SPTA1: variants seen among roughly 807,000 people sequenced by gnomAD.
The protein encoded by SPTA1 is spectrin alpha, erythrocytic 1.
Under a neutral mutation model 324.7 loss-of-function variants are expected in SPTA1, and 177 were observed. The observed-to-expected ratio is 0.55, with a 90% CI of 0.48 to 0.62. The LOEUF is 0.62. Among genes scored for constraint, SPTA1 ranks in the 20% least tolerant of loss-of-function variants. The pLI is 0.00. For synonymous variants in SPTA1, 1,195 were observed against 1,041.3 expected (o/e 1.15, Z -2.84); for missense variants, 3,162 against 2,883.6 (o/e 1.10, Z -2.21).
At chr1:158,656,456 T>C in intron 20 of SPTA1, 108 bp downstream of exon 20, 1 of 993,252 alleles carries the variant, frequency 1.0e-6, no homozygotes, top group South Asian at 1.3e-5. Context: ...TAGTGTTTTC[T>C]TTGCCATTGT....
intron 43 of SPTA1, 147 bp from the exon 44 acceptor site, chr1:158,620,613 G>A (rs1649846766): frequency 8.8e-6 from 8 of 908,728 alleles, no homozygotes; most frequent in African/African-American, 3.4e-5. Context: ...TAGGGACTGT[G>A]TACTTTGATG....
At chr1:158,619,091 G>A (rs1649749441) in intron 45 of SPTA1, 131 bp downstream of exon 45, 1 of 892,758 alleles carries the variant, frequency 1.1e-6, no homozygotes, top group Non-Finnish European at 1.9e-6. Context: ...TAAAGCATAG[G>A]CAAGATATGG....
rs756805958 is a variant in SPTA1 at position 158,647,531 on chromosome 1, C to A, written c.3896+8G>T. ...GGCCAGACACGGAAGTTACCCACCC[C>A]ACTCTACCTGGCCTTGCTGAGGAAC... On this transcript the variant is annotated splice_region_variant and intron_variant, in intron 27 of 51. Coordinates refer to ENST00000643759, the MANE Select transcript of SPTA1 (RefSeq NM_003126.4). 3 of 1,612,704 alleles carry A rather than the reference C, an allele frequency of 1.9e-6. No homozygotes were observed. Among genetic ancestry groups the A allele is most frequent in the African/African-American group, 1.3e-5 (1 of 74,868 alleles).
chr1:158,674,472 C>T (rs1443041321), intron 9 of SPTA1, 42 bp from the exon 10 acceptor site: 1 of 1,614,016 alleles, frequency 6.2e-7, no homozygotes, highest in Admixed American at 1.7e-5. Context: ...CAGCAAGAAA[C>T]CTGGCATTTC....
chr1:158,678,535 C>G lies in SPTA1; in HGVS notation c.679-1G>C, dbSNP rs539669003. 3.1e-6 allele frequency: 5 copies of G among 1,613,260 alleles called. No homozygotes were observed. On this transcript the variant is annotated splice_acceptor_variant, in intron 5 of 51. Transcript: ENST00000643759. LOFTEE classifies it high-confidence loss of function. ...TTAAGGGTAGGTCAGGATGGTTTTC[C>G]TGTTGAAGGAAAACAACACTGGAGT...
chr1:158,634,348 G>C (rs866088011), intron 39 of SPTA1, among the ~76,000 whole-genome samples, 195 bp downstream of exon 39: 1 of 152,166 alleles, frequency 6.6e-6, no homozygotes, highest in Admixed American at 6.5e-5. Context: ...TGCCTGATTG[G>C]TTCCGTAATC....
At chr1:158,667,803 G>A in intron 15 of SPTA1, 55 bp downstream of exon 15, 1 of 1,566,130 alleles carries the variant, frequency 6.4e-7, no homozygotes, top group Non-Finnish European at 8.7e-7. Flanking sequence ...AAAGATAAAG[G>A]TAGTAGATTT....
chr1:158,683,854 AAT>A (rs1423952459), intron 2 of SPTA1, among the ~76,000 whole-genome samples: 2 of 152,018 alleles, frequency 1.3e-5, no homozygotes, highest in African/African-American at 2.4e-5. Context: ...TAAAAAAAAA[AAT>A]TGAGAGTTTT....
chr1:158,641,706 C>T lies in SPTA1; in HGVS notation c.4737+705G>A, dbSNP rs143354572. ...GAGAAATAGGAACACTTTTACACTG[C>T]TGGTGGGACTGTAAACTGGTTCAAC... On this transcript the variant is annotated intron_variant, in intron 33 of 51. Coordinates refer to ENST00000643759, the MANE Select transcript of SPTA1 (RefSeq NM_003126.4). Among the ~76,000 whole-genome samples the T allele has an allele frequency of 8.7e-3, 1,319 of 152,218 alleles. 18 individuals carry two copies. Among genetic ancestry groups the T allele is most frequent in the African/African-American group, 0.03 (1,250 of 41,526 alleles).
rs2101879368 is a variant in SPTA1 at position 158,657,691 on chromosome 1, T to A, written c.2591A>T (p.His864Leu). Reference protein sequence around the residue: ...ERGNKMVEEGHFAAEDVASRV... With the variant: ...ERGNKMVEEGLFAAEDVASRV... ...AGAGGCCACATCTTCTGCAGCAAAG[T>A]GTCCTATGGAGTAATTATAGAAAAG... The change falls in exon 19 of 52, where the codon CAC becomes CTC. Residue 864 changes from histidine (H) to leucine (L), a missense_variant. Transcript: ENST00000643759. 2 of 1,614,042 alleles carry A rather than the reference T, an allele frequency of 1.2e-6. No homozygotes were observed. Among genetic ancestry groups the A allele is most frequent in the Non-Finnish European group, 8.5e-7 (1 of 1,179,966 alleles).
At chr1:158,680,516 A>G in intron 5 of SPTA1, 67 bp downstream of exon 5, 1 of 1,607,168 alleles carries the variant, frequency 6.2e-7, no homozygotes, top group Non-Finnish European at 8.5e-7. Flanking sequence ...CCATCTACTA[A>G]TGGCCAGAAG....
intron 50 of SPTA1, 150 bp from the exon 51 acceptor site, chr1:158,613,111 C>A (rs747863426): frequency 1.1e-5 from 9 of 851,950 alleles, no homozygotes; most frequent in Middle Eastern, 3.4e-4. Context: ...ATGGGTTATG[C>A]TCTCCATTTT....
In SPTA1 at chr1:158,634,536, T is replaced by A. The variant is rs1160565949; in HGVS notation, c.5565+7A>T. 3 of 1,613,774 alleles carry A rather than the reference T, an allele frequency of 1.9e-6. No individual in the cohort carries two copies. The South Asian group carries it at 3.3e-5, about 18-fold the overall frequency. The stretch of plus-strand genomic sequence containing the variant: ...AAGAAAATTGATTCATTCTTCCTGT[T>A]CCTCACCTGAGTAGCAGCTAATGTA... On this transcript the variant is annotated splice_region_variant and intron_variant, in intron 39 of 51. Coordinates refer to ENST00000643759, the MANE Select transcript of SPTA1 (RefSeq NM_003126.4).
chr1:158,652,851 G>C (rs1339585028), intron 22 of SPTA1, among the ~76,000 whole-genome samples, 198 bp from the exon 23 acceptor site: 1 of 152,192 alleles, frequency 6.6e-6, no homozygotes, highest in Non-Finnish European at 1.5e-5. Context: ...ACATAGGATT[G>C]CATTTAAAAA....
chr1:158,622,829 T>G lies in SPTA1; in HGVS notation c.6120+154A>C, dbSNP rs1031791982. ...AAATTTTTAAAGCTTCTTTTCAATC[T>G]ACTTTTTGCTCAGTAAGAATGTCTT... On this transcript the variant is annotated intron_variant, in intron 43 of 51. Coordinates refer to ENST00000643759, the MANE Select transcript of SPTA1 (RefSeq NM_003126.4). 6 of 742,182 alleles carry G rather than the reference T, an allele frequency of 8.1e-6. No individual in the cohort carries two copies. In the Admixed American group the frequency reaches 1.6e-4, roughly 20 times the overall value. The allele number at this position is 742,182 out of a possible 1,614,324, so 46.0% of individuals were successfully genotyped here.
rs562024421 is a variant in SPTA1, at chr1:158,643,269, G to A, written c.4442+53C>T. ...TCCCCCATCTCAATGCTAGCAAAAA[G>A]GTCAGTTTGCTATATCTTCCTTTGG... is the stretch of plus-strand genomic sequence containing the variant. On this transcript the variant is annotated intron_variant, in intron 31 of 51. Coordinates refer to ENST00000643759, the MANE Select transcript of SPTA1 (RefSeq NM_003126.4). 5.6e-6 allele frequency: 9 copies of A among 1,597,456 alleles called. 1 individual carries two copies. In the South Asian group the frequency reaches 9.9e-5, roughly 18 times the overall value.
chr1:158,680,561 G>T lies in SPTA1; in HGVS notation c.678+22C>A, dbSNP rs368531340. 9.8e-5 allele frequency: 158 copies of T among 1,613,486 alleles called. No homozygotes were observed. The African/African-American group carries it at 2.0e-3, about 20-fold the overall frequency. On this transcript the variant is annotated intron_variant, in intron 5 of 51. Coordinates refer to ENST00000643759, the MANE Select transcript of SPTA1 (RefSeq NM_003126.4). ...AGGATAAGAACCCTTTGCACGGAGT[G>T]AATATTTTGCTCCCACCTCACCTCG...
chr1:158,662,348 G>A (rs1412662), intron 17 of SPTA1, among the ~76,000 whole-genome samples: 15,187 of 152,098 alleles, frequency 0.1, 2,523 homozygotes, highest in African/African-American at 0.34. Context: ...AATCTCATAT[G>A]ATTTATAAGA....
intron 3 of SPTA1, among the ~76,000 whole-genome samples, chr1:158,682,910 A>G (rs1261761504): frequency 3.3e-5 from 5 of 152,158 alleles, no homozygotes; most frequent in East Asian, 1.9e-4. Flanking sequence ...GAGAGGTGCA[A>G]TAGTAGTCAT....
Sources: gnomAD v4.1 joint callset for allele counts (sites outside exome capture counted in the v4.1 genomes callset) on GRCh38, gnomAD v4.1.1 for gene constraint, MANE v1.5 for transcripts, NCBI Gene and HGNC (gene_info 2026-07-23, HGNC 2026-07-21) for gene names.